The following DIS3L2 variants were observed in gnomAD, a reference collection of about 807,000 sequenced individuals.
The protein encoded by DIS3L2 is DIS3 like 3'-5' exoribonuclease 2.
A neutral mutation model predicts 97.5 loss-of-function variants in DIS3L2; 34 were observed. The observed-to-expected ratio is 0.35, with a 90% confidence interval of 0.27 to 0.46. The LOEUF is 0.46. Ranked by LOEUF, DIS3L2 falls within the 20% of genes least tolerant of loss-of-function variation. The pLI, the probability that DIS3L2 is intolerant of heterozygous loss-of-function variation, is 1.00. For missense variants in DIS3L2, 1,038 were observed against 1,146.0 expected, an observed-to-expected ratio of 0.91 and a Z score of 1.36; for synonymous variants, 435 against 445.2, an observed-to-expected ratio of 0.98 and a Z score of 0.29.
At chr2:232,141,627 G>C (rs969509323) in intron 8 of DIS3L2, among the ~76,000 whole-genome samples, 1 of 152,126 alleles carries the variant, frequency 6.6e-6, no homozygotes, top group Non-Finnish European at 1.5e-5. Context: ...AGGACAGCAG[G>C]TTCCATTGGA....
chr2:232,228,081 C>T (rs1033046908), intron 10 of DIS3L2, among the ~76,000 whole-genome samples: 1 of 152,154 alleles, frequency 6.6e-6, no homozygotes, highest in African/African-American at 2.4e-5. Flanking sequence ...ATTCTCCTGC[C>T]TCAGCCTCCT....
At chr2:232,141,156 A>G (rs1379734500) in intron 8 of DIS3L2, among the ~76,000 whole-genome samples, 1 of 152,064 alleles carries the variant, frequency 6.6e-6, no homozygotes, top group Non-Finnish European at 1.5e-5. Context: ...AGTGGAATTC[A>G]TGCCTATATT....
At chr2:232,261,194 G>A (rs902099681) in intron 12 of DIS3L2, among the ~76,000 whole-genome samples, 1 of 152,042 alleles carries the variant, frequency 6.6e-6, no homozygotes, top group Non-Finnish European at 1.5e-5. Flanking sequence ...TCCCTTCAGG[G>A]TCTCCTGCCC....
downstream of DIS3L2, among the ~76,000 whole-genome samples, chr2:232,339,093 C>T (rs969551202): frequency 6.6e-6 from 1 of 152,196 alleles, no homozygotes; most frequent in Non-Finnish European, 1.5e-5. Context: ...CAGGCAGTGG[C>T]CCAGCCTGAG....
At chr2:232,012,838 C>T (rs1016474954) in intron 1 of DIS3L2, among the ~76,000 whole-genome samples, 1 of 152,076 alleles carries the variant, frequency 6.6e-6, no homozygotes, top group Non-Finnish European at 1.5e-5. Flanking sequence ...TGTCCTATGC[C>T]CTCCTCTGTA....
chr2:232,226,782 G>C (rs929897927), intron 10 of DIS3L2, among the ~76,000 whole-genome samples: 1 of 152,062 alleles, frequency 6.6e-6, no homozygotes, highest in Non-Finnish European at 1.5e-5. Flanking sequence ...CCCCAGCCTG[G>C]GCATAGTGAG....
chr2:232,061,973 T>C (rs766330802), intron 5 of DIS3L2, among the ~76,000 whole-genome samples: 1 of 152,190 alleles, frequency 6.6e-6, no homozygotes, highest in Non-Finnish European at 1.5e-5. Context: ...TAAACAACTT[T>C]TCTTTCTTTG....
intron 13 of DIS3L2, among the ~76,000 whole-genome samples, chr2:232,299,427 C>G (rs1694802606): frequency 2.0e-5 from 3 of 152,176 alleles, no homozygotes; most frequent in African/African-American, 4.8e-5. Context: ...AGTCACCCAC[C>G]ATGTCCCTGG....
rs1362280835 is a variant in DIS3L2 at position 232,148,842 on chromosome 2, C to A, written c.950+12123C>A. Among the ~76,000 whole-genome samples, 32 of 138,222 alleles carry A rather than the reference C, an allele frequency of 2.3e-4. No individual in the cohort carries two copies. In the Admixed American group the frequency reaches 2.5e-3, roughly 11 times the overall value. The allele number at this position is 138,222 out of a possible 152,430, so 90.7% of individuals were successfully genotyped here. A position where few individuals can be genotyped will look rare whatever the true frequency, so the allele number is the denominator to read the frequency against. On this transcript the variant is annotated intron_variant, in intron 8 of 20. Coordinates refer to ENST00000325385, the MANE Select transcript of DIS3L2 (RefSeq NM_152383.5). ...AAAAAATAATTTCTTTCCTTTGTAG[C>A]CATTTAAAACTAACAGCTAGAAATA...
intron 12 of DIS3L2, among the ~76,000 whole-genome samples, chr2:232,253,957 C>G (rs1040841882): frequency 3.9e-4 from 59 of 152,250 alleles, no homozygotes; most frequent in African/African-American, 1.4e-3. Flanking sequence ...GCACAATAAA[C>G]CCATCCTCCC....
intron 20 of DIS3L2, 71 bp from the exon 21 acceptor site, chr2:232,336,398 G>C: frequency 6.4e-7 from 1 of 1,555,730 alleles, no homozygotes; most frequent in Non-Finnish European, 8.7e-7. Context: ...CTGCTGCAGG[G>C]ATGGAGGCAG....
intron 10 of DIS3L2, among the ~76,000 whole-genome samples, chr2:232,229,317 T>C (rs1022235029): frequency 2.0e-5 from 3 of 152,178 alleles, no homozygotes; most frequent in African/African-American, 7.2e-5. Context: ...CCAACCCACC[T>C]GTACCCCAGC....
At chr2:231,990,177 G>A (rs1224676857) in intron 1 of DIS3L2, among the ~76,000 whole-genome samples, 1 of 147,042 alleles carries the variant, frequency 6.8e-6, no homozygotes, top group African/African-American at 2.4e-5. Flanking sequence ...TTTAGGTTTT[G>A]ATTTTTTTTT....
At chr2:232,030,201 G>A (rs1694767301) in intron 5 of DIS3L2, 121 bp downstream of exon 5, 4 of 777,970 alleles carry the variant, frequency 5.1e-6, no homozygotes, top group Non-Finnish European at 8.3e-6. Context: ...TGATAAGATG[G>A]GGTGTAATCT....
chr2:232,251,375 GT>G (rs1284956004), intron 12 of DIS3L2, among the ~76,000 whole-genome samples: 1 of 152,124 alleles, frequency 6.6e-6, no homozygotes, highest in Non-Finnish European at 1.5e-5. Flanking sequence ...TTAAACACAG[GT>G]TAGAAGAATT....
At chr2:232,015,317 C>T (rs1263811414) in intron 2 of DIS3L2, among the ~76,000 whole-genome samples, 197 bp from the exon 3 acceptor site, 1 of 152,118 alleles carries the variant, frequency 6.6e-6, no homozygotes, top group Non-Finnish European at 1.5e-5. Flanking sequence ...ATTTAAAACT[C>T]AAGTCTCATC....
chr2:232,249,179 A>C (rs1574971371), intron 11 of DIS3L2, 60 bp from the exon 12 acceptor site: 1 of 1,552,110 alleles, frequency 6.4e-7, no homozygotes, highest in Non-Finnish European at 8.8e-7. Flanking sequence ...AACTCTGCCC[A>C]CTGGGCTTCT....
intron 1 of DIS3L2, among the ~76,000 whole-genome samples, chr2:231,963,006 G>A (rs1370840566): frequency 1.3e-5 from 2 of 151,474 alleles, no homozygotes; most frequent in Admixed American, 6.6e-5. Context: ...GGTTGATTCC[G>A]TGTGTTTGCT....
chr2:232,342,817 G>A (rs1575034112), intron 13 of DIS3L2, among the ~76,000 whole-genome samples: 2 of 152,340 alleles, frequency 1.3e-5, no homozygotes, highest in South Asian at 4.1e-4. Flanking sequence ...CCCAGGGTGA[G>A]GGGCCAGTCC....
Sources: gnomAD v4.1 joint callset for allele counts (sites outside exome capture counted in the v4.1 genomes callset) on GRCh38, gnomAD v4.1.1 for gene constraint, MANE v1.5 for transcripts, NCBI Gene and HGNC (gene_info 2026-07-23, HGNC 2026-07-21) for gene names.